KISS1: variants seen among roughly 807,000 people sequenced by gnomAD.
KISS1 encodes KiSS-1 metastasis suppressor.
For synonymous variants in KISS1, 97 were observed against 88.7 expected (o/e 1.09, Z -0.52); for missense variants, 182 against 182.7 (o/e 1.00, Z 0.02).
At chr1:204,195,713 TATCACACAC>T (rs1331206150) in intron 1 of KISS1, among the ~76,000 whole-genome samples, 1 of 59,212 alleles carries the variant, frequency 1.7e-5, no homozygotes, top group East Asian at 5.3e-4. Context: ...CATACACACA[TATCACACAC>T]ACACACACAC....
intron 1 of KISS1, among the ~76,000 whole-genome samples, chr1:204,195,573 C>T (rs1450973906): frequency 3.3e-5 from 5 of 150,734 alleles, no homozygotes; most frequent in Admixed American, 3.3e-4. Context: ...ACATACACTA[C>T]ACACCACAGA....
At chr1:204,191,898 A>G (rs7538038) in intron 2 of KISS1, among the ~76,000 whole-genome samples, 44,230 of 152,072 alleles carry the variant, frequency 0.29, 6,736 homozygotes, top group East Asian at 0.43. Context: ...ACAACCCTAT[A>G]TCCCTGGGCA....
At chr1:204,194,552 T>C (rs1273650197) in intron 1 of KISS1, among the ~76,000 whole-genome samples, 1 of 151,980 alleles carries the variant, frequency 6.6e-6, no homozygotes, top group Non-Finnish European at 1.5e-5. Flanking sequence ...TAAGACAGAG[T>C]TGCTGCCCCC....
rs766621293 is a variant in KISS1 at position 204,190,691 on chromosome 1, C to A, written c.210G>T (p.Ser70=). ...CGGAGCTCTCGGGGGGCGGGGACAG[C>A]GAGGTCCCCCGACGGCTCAGCCTGG... ...ATARLSRRGT[S]LSPPPESSGS... Residue 70 remains serine, a synonymous_variant, in exon 3 of 3, where the codon TCG becomes TCT. Coordinates refer to ENST00000367194, the MANE Select transcript of KISS1 (RefSeq NM_002256.4). The A allele has an allele frequency of 1.3e-6, 2 of 1,597,724 alleles. No individual in the cohort carries two copies. The highest frequency in any genetic ancestry group is 1.7e-6 in the Non-Finnish European group (2 of 1,173,136).
chr1:204,195,832 G>A (rs1225745810), intron 1 of KISS1, among the ~76,000 whole-genome samples: 1 of 152,132 alleles, frequency 6.6e-6, no homozygotes, highest in Non-Finnish European at 1.5e-5. Context: ...ATGAGTGGCC[G>A]ACCTGCTGTA....
At chr1:204,195,721 A>T (rs1474334408) in intron 1 of KISS1, among the ~76,000 whole-genome samples, 34 of 83,358 alleles carry the variant, frequency 4.1e-4, no homozygotes, top group African/African-American at 1.5e-3. Flanking sequence ...CATATCACAC[A>T]CACACACACA....
In KISS1 at chr1:204,190,705, G is replaced by A; in HGVS notation, c.196C>T (p.Arg66Cys). ...RKPAATARLS[R>C]RGTSLSPPPE... is the part of the protein sequence containing the mutation. ...GGCGGGGACAGCGAGGTCCCCCGACGGCTCAGCCTGGCAGTAGCAGCTGGC... is the reference window on the plus strand; with the variant it reads ...GGCGGGGACAGCGAGGTCCCCCGACAGCTCAGCCTGGCAGTAGCAGCTGGC... The change falls in exon 3 of 3, where the codon CGT becomes TGT. Residue 66 changes from arginine to cysteine, a missense_variant. Arg to Cys is a radical substitution (Grantham distance 180). Transcript: ENST00000367194. The A allele has an allele frequency of 1.2e-6, 2 of 1,605,394 alleles. No homozygotes were observed. The highest frequency in any genetic ancestry group is 1.7e-5 in the Admixed American group (1 of 59,008).
Position 204,192,664 on chromosome 1 carries a change from C to T in KISS1, c.103+110G>A. The T allele has an allele frequency of 1.3e-6, 1 of 742,862 alleles. No homozygotes were observed. The highest frequency in any genetic ancestry group is 2.4e-6 in the Non-Finnish European group (1 of 413,318). The allele number at this position is 742,862 out of a possible 1,614,324, so 46.0% of individuals were successfully genotyped here. A position where few individuals can be genotyped will look rare whatever the true frequency, so the allele number is the denominator to read the frequency against. On this transcript the variant is annotated intron_variant, in intron 2 of 2. Coordinates refer to ENST00000367194, the MANE Select transcript of KISS1 (RefSeq NM_002256.4). The surrounding 1 kb of genome is among the most constrained non-coding windows in gnomAD (Gnocchi z 4.2). ...CATGTGTGCCAGTCTTAGATTTCCA[C>T]CAAATGCAATGTTAAACTCACACCA...
chr1:204,190,415 C>CA lies in KISS1; in HGVS notation c.*68_*69insT. ...CCCCTCCCTTAGCCCTACGTCCCCG[C>CA]CCCCCGCCCCCGCCCCGCATGCTCT... is the stretch of plus-strand genomic sequence containing the variant. On this transcript the variant is annotated 3_prime_UTR_variant, in exon 3 of 3. Coordinates refer to ENST00000367194, the MANE Select transcript of KISS1 (RefSeq NM_002256.4). The CA allele has an allele frequency of 3.5e-6, 2 of 571,326 alleles. No individual in the cohort carries two copies. Among genetic ancestry groups the CA allele is most frequent in the Non-Finnish European group, 6.3e-6 (2 of 318,906 alleles). 35.4% of individuals were successfully genotyped at this position (571,326 alleles called of 1,614,324 possible).
Position 204,192,647 on chromosome 1 carries a change from C to G in KISS1, c.103+127G>C. The G allele has an allele frequency of 1.4e-6, 1 of 706,606 alleles. No homozygotes were observed. Among genetic ancestry groups the G allele is most frequent in the Non-Finnish European group, 2.6e-6 (1 of 385,590 alleles). The allele number at this position is 706,606 out of a possible 1,614,324, so 43.8% of individuals were successfully genotyped here. On this transcript the variant is annotated intron_variant, in intron 2 of 2. Coordinates refer to ENST00000367194, the MANE Select transcript of KISS1 (RefSeq NM_002256.4). This position sits in a 1 kb window ranked among gnomAD's most constrained non-coding sequence, Gnocchi z 4.2. ...ACCCCCTCAATGAGTTGCATGTGTG[C>G]CAGTCTTAGATTTCCACCAAATGCA...
At chr1:204,194,161 A>G (rs1464790311) in intron 1 of KISS1, among the ~76,000 whole-genome samples, 3 of 152,162 alleles carry the variant, frequency 2.0e-5, no homozygotes, top group African/African-American at 7.2e-5. Flanking sequence ...AAATGGAATG[A>G]GGAGTACTTG....
chr1:204,195,965 C>T (rs1658851163), intron 1 of KISS1, among the ~76,000 whole-genome samples: 1 of 152,098 alleles, frequency 6.6e-6, no homozygotes, highest in Non-Finnish European at 1.5e-5. Flanking sequence ...TAGGTAGATG[C>T]CCTTGGTTAG....
chr1:204,195,260 A>C, intron 1 of KISS1, among the ~76,000 whole-genome samples: 1 of 4,700 alleles, frequency 2.1e-4, no homozygotes, highest in Non-Finnish European at 4.6e-4. Flanking sequence ...CACACACATC[A>C]TACACACACA....
At chr1:204,196,056 G>A (rs1658852626) in intron 1 of KISS1, among the ~76,000 whole-genome samples, 1 of 152,208 alleles carries the variant, frequency 6.6e-6, no homozygotes, top group African/African-American at 2.4e-5. Flanking sequence ...CGGTTCCCTA[G>A]GTCCATCCAA....
intron 1 of KISS1, among the ~76,000 whole-genome samples, chr1:204,194,757 T>G (rs912277122): frequency 1.3e-5 from 2 of 152,042 alleles, no homozygotes; most frequent in African/African-American, 4.8e-5. Flanking sequence ...GCTGAAAGGT[T>G]TACAGAAAGT....
At chr1:204,191,921 T>C (rs1658750112) in intron 2 of KISS1, among the ~76,000 whole-genome samples, 1 of 152,188 alleles carries the variant, frequency 6.6e-6, no homozygotes, top group Non-Finnish European at 1.5e-5. Flanking sequence ...GTGGGGTTAT[T>C]TTCTGGGGTA....
At chr1:204,194,090 C>T (rs765264933) in intron 1 of KISS1, among the ~76,000 whole-genome samples, 1 of 152,120 alleles carries the variant, frequency 6.6e-6, no homozygotes, top group African/African-American at 2.4e-5. Flanking sequence ...ACACCCCCAC[C>T]CCCCATTCCT....
rs560537086 is a variant in KISS1, at chr1:204,191,269, A to G, written c.104-472T>C. Among the ~76,000 whole-genome samples, 28 of 152,300 alleles carry G rather than the reference A, an allele frequency of 1.8e-4. No homozygotes were observed. The South Asian group carries it at 2.3e-3, about 12-fold the overall frequency. ...AAAAGCTAAAAACGTGTAGTAACAG[A>G]AATCGAGAAAGTGGAGCTAAGACAT... On this transcript the variant is annotated intron_variant, in intron 2 of 2. Coordinates refer to ENST00000367194, the MANE Select transcript of KISS1 (RefSeq NM_002256.4).
chr1:204,191,693 T>A (rs1200267879), intron 2 of KISS1, among the ~76,000 whole-genome samples: 1 of 152,194 alleles, frequency 6.6e-6, no homozygotes, highest in African/African-American at 2.4e-5. Flanking sequence ...CCTGGCACAG[T>A]CTGGAAAAGA....
Sources: gnomAD v4.1 joint callset for allele counts (sites outside exome capture counted in the v4.1 genomes callset) on GRCh38, gnomAD v4.1.1 for gene constraint, Gnocchi (gnomAD v3.1) non-coding constraint, MANE v1.5 for transcripts, NCBI Gene and HGNC (gene_info 2026-07-23, HGNC 2026-07-21) for gene names.